The following CCT6A variants were observed in gnomAD, a reference collection of about 807,000 sequenced individuals.
CCT6A encodes the protein T-complex protein 1 subunit zeta.
CCT6A carries 6 observed loss-of-function variants against 58.6 expected under a neutral mutation model. The observed-to-expected ratio is 0.10, with a 90% CI of 0.06 to 0.20. The LOEUF (loss-of-function observed/expected upper bound fraction) is 0.20, where lower values mean the gene tolerates loss of function less well. CCT6A is among the 10% of genes least tolerant of loss of function. The pLI is 1.00. For synonymous variants in CCT6A, 245 were observed against 227.8 expected (o/e 1.08, Z -0.68); for missense variants, 516 against 648.8 (o/e 0.80, Z 2.22).
At position 56,058,314 on chromosome 7, in the gene CCT6A, C is replaced by G. The variant is rs1402981331; in HGVS notation, c.726-48C>G. ...AGGACTAATCCAGTTTCAGAAGCTG[C>G]TTTCTTAATGTTTCCCTGCTTTCTG... On this transcript the variant is annotated intron_variant, in intron 6 of 13. Transcript: ENST00000275603. The G allele has an allele frequency of 5.0e-6, 7 of 1,401,566 alleles. No homozygotes were observed. In the African/African-American group the frequency reaches 5.8e-5, roughly 12 times the overall value. 86.8% of individuals were successfully genotyped at this position (1,401,566 alleles called of 1,614,324 possible).
rs1303667554 is a variant in CCT6A at position 56,063,981 on chromosome 7, T to C, written c.*896T>C. The C allele has an allele frequency of 1.0e-5, 5 of 487,326 alleles. No homozygotes were observed. The highest frequency in any genetic ancestry group is 1.4e-5 in the Non-Finnish European group (4 of 279,162). The allele number at this position is 487,326 out of a possible 1,614,324, so 30.2% of individuals were successfully genotyped here. ...GTGAGTTGTGCAATAAATGTTAAGT[T>C]GAAACCTCCTTTCTGTTCTTGCAAT... On this transcript the variant is annotated 3_prime_UTR_variant, in exon 14 of 14. Transcript: ENST00000275603.
At chr7:56,052,543 T>C in intron 2 of CCT6A, 58 bp downstream of exon 2, 1 of 1,426,298 alleles carries the variant, frequency 7.0e-7, no homozygotes, top group East Asian at 2.3e-5. Flanking sequence ...AATGTTTTCT[T>C]TGTAGAAAGA....
intron 7 of CCT6A, 38 bp from the exon 8 acceptor site, chr7:56,058,582 G>GTGAA (rs1197149121): frequency 6.3e-7 from 1 of 1,581,236 alleles, no homozygotes. Context: ...TACTTTTAAG[G>GTGAA]TGAAAGATGT....
At chr7:56,057,638 TG>T (rs1794338006) in intron 5 of CCT6A, among the ~76,000 whole-genome samples, 1 of 152,158 alleles carries the variant, frequency 6.6e-6, no homozygotes, top group African/African-American at 2.4e-5. Flanking sequence ...CCCAGCACTT[TG>T]GGAGGCCAAG....
At chr7:56,060,548 C>T in intron 10 of CCT6A, 132 bp downstream of exon 10, 1 of 1,036,010 alleles carries the variant, frequency 9.7e-7, no homozygotes, top group Non-Finnish European at 1.5e-6. Flanking sequence ...TTTAGAATGA[C>T]TGATGGTATG....
Position 56,056,407 on chromosome 7 carries a change from G to C in CCT6A, c.607G>C (p.Asp203His), listed in dbSNP as rs1794305537. ...GGAGATGAAACATAAATCTGAAACT[G>C]ATACAAGGTAGGTGGTAGAAGACTG... is the stretch of plus-strand genomic sequence containing the variant. ...IMEMKHKSET[D>H]TSLIRGLVLD... The change falls in exon 5 of 14, where the codon GAT becomes CAT. Residue 203 changes from aspartate (D) to histidine (H), a missense_variant. Physicochemically the swap from Asp to His is moderately conservative, Grantham distance 81. Transcript: ENST00000275603. 1 of 1,456,550 alleles carries C rather than the reference G, an allele frequency of 6.9e-7. No homozygotes were observed. Among genetic ancestry groups the C allele is most frequent in the Non-Finnish European group, 9.6e-7 (1 of 1,036,490 alleles). 90.2% of individuals were successfully genotyped at this position (1,456,550 alleles called of 1,614,324 possible). A position where few individuals can be genotyped will look rare whatever the true frequency, so the allele number is the denominator to read the frequency against.
Position 56,060,270 on chromosome 7 carries a change from G to A in CCT6A, c.1067G>A (p.Gly356Glu), listed in dbSNP as rs780415594. The A allele has an allele frequency of 2.5e-6, 4 of 1,613,094 alleles. No homozygotes were observed. Among genetic ancestry groups the A allele is most frequent in the African/African-American group, 2.7e-5 (2 of 74,878 alleles). Residue 356 changes from glycine (G) to glutamate (E), a missense_variant and splice_region_variant, in exon 10 of 14, where the codon GGA (glycine) becomes GAA (glutamate). Around this residue, in one of 3 missense-constraint regions of CCT6A, gnomAD observed 315 missense variants for 389.4 expected, o/e 0.81. Transcript: ENST00000275603. ...AAATCATATTTTTTCTACACATAGG[G>A]AGAAGAGAAGTTTACCTTTATTGAG... is the stretch of plus-strand genomic sequence containing the variant. ...HAGLVYEYTL[G>E]EEKFTFIEKC...
At chr7:56,055,517 C>G in intron 3 of CCT6A, 107 bp from the exon 4 acceptor site, 1 of 928,106 alleles carries the variant, frequency 1.1e-6, no homozygotes, top group Non-Finnish European at 1.7e-6. Context: ...ACCTCGTGTT[C>G]AAAGGTATGA....
chr7:56,060,086 G>C, intron 9 of CCT6A, 183 bp from the exon 10 acceptor site: 1 of 592,428 alleles, frequency 1.7e-6, no homozygotes, highest in Non-Finnish European at 3.0e-6. Context: ...GTGTAGTAAT[G>C]GGAAGCCATT....
At position 56,051,845 on chromosome 7, in the gene CCT6A, A is replaced by T; in HGVS notation, c.-4A>T. ...TCGTTTCCTTTTCCTCCGCTGGAGCAGCTATGGCGGCGGTGAAGACCCTGA... is the reference window on the plus strand; with the variant it reads ...TCGTTTCCTTTTCCTCCGCTGGAGCTGCTATGGCGGCGGTGAAGACCCTGA... On this transcript the variant is annotated 5_prime_UTR_variant, in exon 1 of 14. Transcript: ENST00000275603. 1 of 1,558,000 alleles carries T rather than the reference A, an allele frequency of 6.4e-7. No homozygotes were observed. The highest frequency in any genetic ancestry group is 8.7e-7 in the Non-Finnish European group (1 of 1,151,636).
At position 56,060,312 on chromosome 7, in the gene CCT6A, G is replaced by T; in HGVS notation, c.1109G>T (p.Arg370Leu). The change falls in exon 10 of 14, where the codon CGT becomes CTT. Residue 370 changes from arginine (R) to leucine (L), a missense_variant. Physicochemically the swap from Arg to Leu is moderately radical, Grantham distance 102. Transcript: ENST00000275603. ...TTTATTGAGAAATGTAACAACCCTC[G>T]TTCTGTCACATTATTGATCAAAGGA... ...FTFIEKCNNP[R>L]SVTLLIKGPN... 1 of 1,613,734 alleles carries T rather than the reference G, an allele frequency of 6.2e-7. No individual in the cohort carries two copies. The highest frequency in any genetic ancestry group is 1.1e-5 in the South Asian group (1 of 91,072).
intron 13 of CCT6A, 119 bp downstream of exon 13, chr7:56,062,874 T>C: frequency 8.8e-7 from 1 of 1,135,772 alleles, no homozygotes; most frequent in East Asian, 2.3e-5. Flanking sequence ...GTATGGAAAC[T>C]GAACTAGCCC....
At chr7:56,053,698 C>T (rs537863041) in intron 2 of CCT6A, among the ~76,000 whole-genome samples, 4 of 152,200 alleles carry the variant, frequency 2.6e-5, no homozygotes, top group South Asian at 2.1e-4. Context: ...ACTGAGGTTT[C>T]GGTGAGCCAA....
At chr7:56,061,328 G>A (rs1794426808) in intron 11 of CCT6A, among the ~76,000 whole-genome samples, 1 of 150,818 alleles carries the variant, frequency 6.6e-6, no homozygotes, top group Admixed American at 6.6e-5. Flanking sequence ...ACTTGTGTCT[G>A]GTATTCTCTG....
Position 56,051,799 on chromosome 7 carries a change from G to C in CCT6A, c.-50G>C. The C allele has an allele frequency of 6.5e-7, 1 of 1,536,918 alleles. No homozygotes were observed. Among genetic ancestry groups the C allele is most frequent in the Non-Finnish European group, 8.8e-7 (1 of 1,141,408 alleles). On this transcript the variant is annotated 5_prime_UTR_variant, in exon 1 of 14. Coordinates refer to ENST00000275603, the MANE Select transcript of CCT6A (RefSeq NM_001762.4). ...GGATAGTTCCTCCCGGCCACGCCGC[G>C]CCGGCTCTGGGCACTCAGCATCGTT...
chr7:56,053,334 A>G (rs551213078), intron 2 of CCT6A, among the ~76,000 whole-genome samples: 2 of 152,332 alleles, frequency 1.3e-5, no homozygotes, highest in African/African-American at 2.4e-5. Context: ...ATACCATGCC[A>G]TCAACATCCA....
Position 56,059,499 on chromosome 7 carries a change from C to G in CCT6A, c.969-45C>G, listed in dbSNP as rs749635289. 4 of 926,382 alleles carry G rather than the reference C, an allele frequency of 4.3e-6. No homozygotes were observed. The South Asian group carries it at 5.3e-5, about 12-fold the overall frequency. 57.4% of individuals were successfully genotyped at this position (926,382 alleles called of 1,614,324 possible). The stretch of plus-strand genomic sequence containing the variant: ...AATTACTGGTCTTATCTTTGAAATT[C>G]ACTGGTAACGTTGCTTATCCATCTC... On this transcript the variant is annotated intron_variant, in intron 8 of 13. Transcript: ENST00000275603.
At chr7:56,056,278 A>G (rs773936853) in intron 4 of CCT6A, 33 bp from the exon 5 acceptor site, 3 of 1,092,656 alleles carry the variant, frequency 2.7e-6, no homozygotes, top group Non-Finnish European at 4.3e-6. Context: ...TGCAAATTGA[A>G]TTTACTTAAC....
chr7:56,061,702 G>A lies in CCT6A; in HGVS notation c.1348-45G>A, dbSNP rs747449962. The A allele has an allele frequency of 8.8e-5, 24 of 272,664 alleles. No individual in the cohort carries two copies. In the African/African-American group the frequency reaches 1.4e-3, roughly 16 times the overall value. The allele number at this position is 272,664 out of a possible 1,614,324, so 16.9% of individuals were successfully genotyped here. ...TTTTTTTTTTTTTTTTTTACTATCA[G>A]TTATTAGTTCCTGTTTTCTCAAGAA... On this transcript the variant is annotated intron_variant, in intron 11 of 13. Transcript: ENST00000275603.
Sources: gnomAD v4.1 joint callset for allele counts (sites outside exome capture counted in the v4.1 genomes callset) on GRCh38, gnomAD v4.1.1 for gene constraint, gnomAD v4.1.1 regional missense constraint, MANE v1.5 for transcripts, NCBI Gene and HGNC (gene_info 2026-07-23, HGNC 2026-07-21) for gene names.